The following DYNC2H1 variants were observed in gnomAD, a reference collection of about 807,000 sequenced individuals.
The protein encoded by DYNC2H1 is cytoplasmic dynein 2 heavy chain 1.
A neutral mutation model predicts 570.0 loss-of-function variants in DYNC2H1; 410 were observed. That is an observed-to-expected ratio of 0.72 (90% confidence interval 0.66 to 0.78). DYNC2H1 has a LOEUF of 0.78. Ranked by LOEUF, DYNC2H1 falls within the 30% of genes least tolerant of loss-of-function variation. The pLI, the probability that DYNC2H1 is intolerant of heterozygous loss-of-function variation, is 0.00. For synonymous variants in DYNC2H1, 1,688 were observed against 1,677.6 expected, an observed-to-expected ratio of 1.01 and a Z score of -0.15; for missense variants, 4,865 against 5,046.4, an observed-to-expected ratio of 0.96 and a Z score of 1.09.
chr11:103,170,941 C>T lies in DYNC2H1; in HGVS notation c.5207C>T (p.Ala1736Val). Residue 1736 changes from alanine to valine, a missense_variant, in exon 34 of 89, where the codon GCC becomes GTC. Ala to Val is a moderately conservative substitution (Grantham distance 64). This residue lies in a region of DYNC2H1 where 292 missense variants were observed against 300.2 expected (regional missense o/e 0.97). Transcript: ENST00000375735. The surrounding 1 kb of genome is among the most constrained non-coding windows in gnomAD (Gnocchi z 4.8). ...TTTGTTGGTTTGGTGAAGTGTGGGG[C>T]CTGGGGTTGTTTTGATGAATTTAAT... The part of the protein sequence containing the change: ...RIFVGLVKCG[A>V]WGCFDEFNRL... 1 of 1,603,116 alleles carries T rather than the reference C, an allele frequency of 6.2e-7. No homozygotes were observed. Among genetic ancestry groups the T allele is most frequent in the Non-Finnish European group, 8.5e-7 (1 of 1,172,922 alleles).
chr11:103,120,815 G>C lies in DYNC2H1; in HGVS notation c.1248+13G>C. The C allele has an allele frequency of 7.1e-7, 1 of 1,412,920 alleles. No individual in the cohort carries two copies. Among genetic ancestry groups the C allele is most frequent in the Non-Finnish European group, 9.3e-7 (1 of 1,072,700 alleles). 87.5% of individuals were successfully genotyped at this position (1,412,920 alleles called of 1,614,324 possible). A position where few individuals can be genotyped will look rare whatever the true frequency, so the allele number is the denominator to read the frequency against. On this transcript the variant is annotated intron_variant, in intron 8 of 88. Coordinates refer to ENST00000375735, the MANE Select transcript of DYNC2H1 (RefSeq NM_001377.3). ...CAGTCCACAGCAGGTAAAACATTGA[G>C]ATATTTCACTTTTAATATTTCTCTT...
At chr11:103,125,950 A>T (rs1054220621) in intron 12 of DYNC2H1, among the ~76,000 whole-genome samples, 1 of 152,236 alleles carries the variant, frequency 6.6e-6, no homozygotes, top group Non-Finnish European at 1.5e-5. Flanking sequence ...TTTCCAATTC[A>T]CAAGTCACTT....
rs1942380351 is a variant in DYNC2H1, at chr11:103,395,915, G to A, written c.12157-3748G>A. 6.6e-6 allele frequency among the ~76,000 whole-genome samples: 1 copy of A among 152,158 alleles called. No homozygotes were observed. Among genetic ancestry groups the A allele is most frequent in the Admixed American group, 6.5e-5 (1 of 15,268 alleles). ...GCAAAGGTAGAATTTCCATTACATA[G>A]AAGTGAAGGTATTTTTCCCTTTTCT... is the stretch of plus-strand genomic sequence containing the variant. On this transcript the variant is annotated intron_variant, in intron 83 of 88. Coordinates refer to ENST00000375735, the MANE Select transcript of DYNC2H1 (RefSeq NM_001377.3). The surrounding 1 kb of genome is among the most constrained non-coding windows in gnomAD (Gnocchi z 4.3).
At chr11:103,459,844 C>T (rs910256230) in intron 87 of DYNC2H1, among the ~76,000 whole-genome samples, 7 of 149,116 alleles carry the variant, frequency 4.7e-5, no homozygotes, top group Admixed American at 2.0e-4. Context: ...CCCAGCTACT[C>T]GGGAGGCTGA....
At position 103,455,280 on chromosome 11, in the gene DYNC2H1, G is replaced by A. The variant is rs200913028; in HGVS notation, c.12551G>A (p.Arg4184His). 3.0e-5 allele frequency: 49 copies of A among 1,612,930 alleles called. No homozygotes were observed. In the African/African-American group the frequency reaches 3.5e-4, roughly 11 times the overall value. Residue 4184 changes from arginine to histidine, a missense_variant, in exon 86 of 89, where the codon CGC (arginine) becomes CAC (histidine). Physicochemically the swap from Arg to His is conservative, Grantham distance 29 (BLOSUM62 0). Around this residue, in one of 5 missense-constraint regions of DYNC2H1, gnomAD observed 2,401 missense variants for 2,454.6 expected, o/e 0.98. Transcript: ENST00000375735. ...CCAGACACATTTCTTAATGCTCTTC[G>A]CCAGGAAACTGCAAGGTAATTAAAA... The part of the protein sequence containing the change: ...FHPDTFLNAL[R>H]QETARAVGRS...
chr11:103,471,156 C>G (rs1194116069), intron 88 of DYNC2H1, among the ~76,000 whole-genome samples: 1 of 152,180 alleles, frequency 6.6e-6, no homozygotes, highest in Admixed American at 6.5e-5. Flanking sequence ...TTGCATTTCT[C>G]TGATGGCCAG....
At chr11:103,302,303 A>G (rs976017939) in intron 75 of DYNC2H1, among the ~76,000 whole-genome samples, 9 of 152,090 alleles carry the variant, frequency 5.9e-5, no homozygotes, top group Non-Finnish European at 1.2e-4. Flanking sequence ...TATGGTTTAT[A>G]TATCATTTAA....
At position 103,155,462 on chromosome 11, in the gene DYNC2H1, A is replaced by G. The variant is rs1860773352; in HGVS notation, c.3705A>G (p.Arg1235=). The G allele has an allele frequency of 2.5e-6, 4 of 1,611,890 alleles. No homozygotes were observed. The highest frequency in any genetic ancestry group is 2.7e-5 in the African/African-American group (2 of 74,938). Residue 1235 remains arginine (R), a synonymous_variant, in exon 25 of 89, where the codon AGA becomes AGG. Transcript: ENST00000375735. ...AACTACTGTTTGGTGATTTGCTCAG[A>G]GTAGCTGATACAATTGTAGCCAAAG... ...LEKLLFGDLL[R]VADTIVAKAA...
chr11:103,240,298 C>T (rs1864379295), intron 63 of DYNC2H1, among the ~76,000 whole-genome samples: 1 of 152,136 alleles, frequency 6.6e-6, no homozygotes, highest in South Asian at 2.1e-4. Context: ...GTGTCATTCA[C>T]TCCCTCTGCA....
chr11:103,138,801 C>T (rs1015145930), intron 17 of DYNC2H1, among the ~76,000 whole-genome samples: 3 of 151,998 alleles, frequency 2.0e-5, no homozygotes, highest in Non-Finnish European at 4.4e-5. Flanking sequence ...CCAGTTCCTC[C>T]TTGTACCTCT....
At chr11:103,455,721 T>C (rs1047552626) in intron 86 of DYNC2H1, among the ~76,000 whole-genome samples, 3 of 152,152 alleles carry the variant, frequency 2.0e-5, no homozygotes, top group Non-Finnish European at 4.4e-5. Context: ...ATTTTTATCT[T>C]CGCAGAAAAT....
chr11:103,373,269 G>A (rs780941389), intron 83 of DYNC2H1, among the ~76,000 whole-genome samples: 2 of 152,014 alleles, frequency 1.3e-5, no homozygotes, highest in Admixed American at 1.3e-4. Context: ...TTGGTAGATT[G>A]TATGTGTCTA....
chr11:103,263,078 C>T (rs1043498843), intron 70 of DYNC2H1, among the ~76,000 whole-genome samples: 8 of 98,400 alleles, frequency 8.1e-5, no homozygotes, highest in Non-Finnish European at 1.6e-4. Flanking sequence ...TCTGACAAAA[C>T]AGACTTTAAA....
In DYNC2H1 at chr11:103,201,967, C is replaced by G. The variant is rs914607093; in HGVS notation, c.8198-1696C>G. Among the ~76,000 whole-genome samples the G allele has an allele frequency of 2.0e-5, 3 of 152,132 alleles. No individual in the cohort carries two copies. The highest frequency in any genetic ancestry group is 7.2e-5 in the African/African-American group (3 of 41,422). ...AAGTTATATGAACTCATTTTCAACT[C>G]AGTTTTCAATAAATACTTGCTTTGT... On this transcript the variant is annotated intron_variant, in intron 50 of 88. Coordinates refer to ENST00000375735, the MANE Select transcript of DYNC2H1 (RefSeq NM_001377.3). This position sits in a 1 kb window ranked among gnomAD's most constrained non-coding sequence, Gnocchi z 4.8.
At position 103,135,880 on chromosome 11, in the gene DYNC2H1, T is replaced by C; in HGVS notation, c.2506T>C (p.Phe836Leu). The C allele has an allele frequency of 6.2e-7, 1 of 1,612,872 alleles. No individual in the cohort carries two copies. The highest frequency in any genetic ancestry group is 8.5e-7 in the Non-Finnish European group (1 of 1,179,444). ...TATGATTGATAGAAATGCAAGTGGA[T>C]TTTTGACGATTTTCAGCAAAGCAGA... Reference protein sequence around the residue: ...SIMIDRNASGFLTIFSKAEDL... With the variant: ...SIMIDRNASGLLTIFSKAEDL... Residue 836 changes from phenylalanine (F) to leucine (L), a missense_variant, in exon 17 of 89, where the codon TTT becomes CTT. Around this residue, in one of 5 missense-constraint regions of DYNC2H1, gnomAD observed 1,936 missense variants for 1,962.1 expected, o/e 0.99. Transcript: ENST00000375735.
chr11:103,364,784 C>T (rs1940821644), intron 83 of DYNC2H1, among the ~76,000 whole-genome samples: 1 of 152,124 alleles, frequency 6.6e-6, no homozygotes, highest in South Asian at 2.1e-4. Context: ...TCACTACCTC[C>T]TCCCCACAGT....
In DYNC2H1 at chr11:103,157,022, T is replaced by A. The variant is rs1232161284; in HGVS notation, c.4127+252T>A. ...TACTTCATAAAATCACTAATTACTTTCTCTTTTAAATTCAAAAGGCATTTT... is the reference window on the plus strand; with the variant it reads ...TACTTCATAAAATCACTAATTACTTACTCTTTTAAATTCAAAAGGCATTTT... On this transcript the variant is annotated intron_variant, in intron 26 of 88. Coordinates refer to ENST00000375735, the MANE Select transcript of DYNC2H1 (RefSeq NM_001377.3). This position sits in a 1 kb window ranked among gnomAD's most constrained non-coding sequence, Gnocchi z 4.2. 6.6e-6 allele frequency among the ~76,000 whole-genome samples: 1 copy of A among 152,204 alleles called. No homozygotes were observed. Among genetic ancestry groups the A allele is most frequent in the African/African-American group, 2.4e-5 (1 of 41,462 alleles).
intron 15 of DYNC2H1, among the ~76,000 whole-genome samples, chr11:103,134,857 C>T (rs1195737314): frequency 6.6e-6 from 1 of 151,820 alleles, no homozygotes; most frequent in East Asian, 1.9e-4. Context: ...ATAGTTGATG[C>T]ATATAAAGGT....
chr11:103,179,372 T>A, intron 39 of DYNC2H1, 139 bp downstream of exon 39: 1 of 740,398 alleles, frequency 1.4e-6, no homozygotes, highest in Non-Finnish European at 2.0e-6. Context: ...TTGTTAGGTT[T>A]TAATTAATTC....
Sources: gnomAD v4.1 joint callset for allele counts (sites outside exome capture counted in the v4.1 genomes callset) on GRCh38, gnomAD v4.1.1 for gene constraint, gnomAD v4.1.1 regional missense constraint, Gnocchi (gnomAD v3.1) non-coding constraint, MANE v1.5 for transcripts, NCBI Gene and HGNC (gene_info 2026-07-23, HGNC 2026-07-21) for gene names.